The following LRRFIP2 variants were observed in gnomAD, a reference collection of about 807,000 sequenced individuals.
LRRFIP2 encodes leucine-rich repeat flightless-interacting protein 2.
Under a neutral mutation model 125.9 loss-of-function variants are expected in LRRFIP2, and 109 were observed. That is an observed-to-expected ratio of 0.87 (90% confidence interval 0.74 to 1.01). The LOEUF is 1.01. LRRFIP2 is among the 50% of genes least tolerant of loss of function. The pLI, the probability that LRRFIP2 is intolerant of heterozygous loss-of-function variation, is 0.00. For synonymous variants in LRRFIP2, 291 were observed against 293.1 expected (o/e 0.99, Z 0.07); for missense variants, 850 against 862.3 (o/e 0.99, Z 0.18).
intron 1 of LRRFIP2, among the ~76,000 whole-genome samples, chr3:37,162,913 G>T (rs917653256): frequency 3.9e-5 from 6 of 152,198 alleles, no homozygotes; most frequent in African/African-American, 1.4e-4. Flanking sequence ...ATGGGCTGAA[G>T]ACTTATTTCA....
At position 37,105,493 on chromosome 3, in the gene LRRFIP2, A is replaced by G; in HGVS notation, c.745T>C (p.Ser249Pro). 6.2e-7 allele frequency: 1 copy of G among 1,614,008 alleles called. No homozygotes were observed. The highest frequency in any genetic ancestry group is 8.5e-7 in the Non-Finnish European group (1 of 1,179,892). ...FTNDDTASIV[S>P]SDRASRGRRE... is the part of the protein sequence containing the mutation. Reference sequence around the variant, plus strand: ...CGTCCACGACTGGCACGATCAGAAGACACAATGCTTGCAGTGTCATCGTTG... The same window carrying G: ...CGTCCACGACTGGCACGATCAGAAGGCACAATGCTTGCAGTGTCATCGTTG... The change falls in exon 14 of 28, where the codon TCT (serine) becomes CCT (proline). Residue 249 changes from serine to proline, a missense_variant. Ser to Pro is a moderately conservative substitution (Grantham distance 74). Coordinates refer to ENST00000336686, the MANE Select transcript of LRRFIP2 (RefSeq NM_006309.4).
chr3:37,072,005 C>T (rs2091282413), intron 21 of LRRFIP2, among the ~76,000 whole-genome samples: 1 of 152,152 alleles, frequency 6.6e-6, no homozygotes. Flanking sequence ...TACAGACAGC[C>T]ACCCTAGAAA....
chr3:37,091,470 T>C lies in LRRFIP2; in HGVS notation c.1104A>G (p.Leu368=), dbSNP rs767554631. The change falls in exon 18 of 28, where the codon CTA becomes CTG. Residue 368 remains leucine (L), a synonymous_variant. Transcript: ENST00000336686. The part of the protein sequence containing the change: ...EGRYMQGLKE[L]KESLSEVEEK... ...GCTGCAGAATGGGCCCTGATACCTTTAGTTCTTTAAGCCCCTGCATGTATC... is the reference window on the plus strand; with the variant it reads ...GCTGCAGAATGGGCCCTGATACCTTCAGTTCTTTAAGCCCCTGCATGTATC... 6.8e-6 allele frequency: 11 copies of C among 1,610,008 alleles called. No individual in the cohort carries two copies. Among genetic ancestry groups the C allele is most frequent in the South Asian group, 5.5e-5 (5 of 90,440 alleles).
Position 37,091,483 on chromosome 3 carries a change from C to G in LRRFIP2, c.1091G>C (p.Gly364Ala). Residue 364 changes from glycine (G) to alanine (A), a missense_variant, in exon 18 of 28, where the codon GGG becomes GCG. Physicochemically the swap from Gly to Ala is moderately conservative, Grantham distance 60. Transcript: ENST00000336686. ...IQDVEGRYMQ[G>A]LKELKESLSE... is the part of the protein sequence containing the mutation. ...CCCTGATACCTTTAGTTCTTTAAGC[C>G]CCTGCATGTATCTCCCTTCTACATC... 2 of 1,611,854 alleles carry G rather than the reference C, an allele frequency of 1.2e-6. No homozygotes were observed. The highest frequency in any genetic ancestry group is 1.7e-6 in the Non-Finnish European group (2 of 1,178,964).
intron 1 of LRRFIP2, among the ~76,000 whole-genome samples, chr3:37,149,343 C>T (rs1379840567): frequency 6.6e-6 from 1 of 152,002 alleles, no homozygotes; most frequent in Non-Finnish European, 1.5e-5. Context: ...ATGGTGAAAC[C>T]CTGTCTCTAT....
intron 2 of LRRFIP2, among the ~76,000 whole-genome samples, chr3:37,131,003 A>G (rs1341392273): frequency 6.6e-6 from 1 of 152,246 alleles, no homozygotes; most frequent in Admixed American, 6.5e-5. Context: ...TTACAGCCAC[A>G]GTGCATGATA....
intron 2 of LRRFIP2, among the ~76,000 whole-genome samples, chr3:37,130,754 A>T (rs1378335335): frequency 6.6e-6 from 1 of 152,150 alleles, no homozygotes. Flanking sequence ...AGTAATCCTC[A>T]TTTTATTTAA....
chr3:37,098,376 T>C (rs1349050108), intron 15 of LRRFIP2, among the ~76,000 whole-genome samples: 2 of 151,788 alleles, frequency 1.3e-5, no homozygotes, highest in East Asian at 1.9e-4. Flanking sequence ...TTTTTTAACT[T>C]TAATTTTTTT....
rs897048252 is a variant in LRRFIP2 at position 37,108,654 on chromosome 3, G to C, written c.640C>G (p.Pro214Ala). 1.9e-6 allele frequency: 3 copies of C among 1,609,904 alleles called. No homozygotes were observed. In the African/African-American group the frequency reaches 4.0e-5, roughly 22 times the overall value. The change falls in exon 12 of 28, where the codon CCT becomes GCT. Residue 214 changes from proline to alanine, a missense_variant. By Grantham distance (27) the Pro-to-Ala change is conservative. Transcript: ENST00000336686. ...ASLYNGGLYN[P>A]YGPRTPSECS... ...AGACTTACAGTTCGAGGACCATAAG[G>C]GTTATATAATCCACCATTGTACAAT...
intron 1 of LRRFIP2, among the ~76,000 whole-genome samples, chr3:37,162,268 G>C (rs1394653534): frequency 6.6e-6 from 1 of 151,638 alleles, no homozygotes. Flanking sequence ...AAAGGGCCCA[G>C]AGTGTTCAAC....
chr3:37,073,327 T>C (rs951954855), intron 20 of LRRFIP2, among the ~76,000 whole-genome samples: 14 of 152,226 alleles, frequency 9.2e-5, no homozygotes, highest in African/African-American at 3.4e-4. Flanking sequence ...GAACTGATCA[T>C]TTTGAATTTC....
intron 23 of LRRFIP2, 153 bp from the exon 24 acceptor site, chr3:37,063,944 A>G: frequency 1.6e-6 from 1 of 610,572 alleles, no homozygotes; most frequent in East Asian, 2.8e-5. Context: ...TGTTAATAGC[A>G]TTACAGAAAA....
intron 1 of LRRFIP2, among the ~76,000 whole-genome samples, chr3:37,168,398 T>C (rs150190864): frequency 3.3e-5 from 5 of 152,304 alleles, no homozygotes; most frequent in African/African-American, 1.2e-4. Flanking sequence ...CTTGAAGACA[T>C]CATGCTAAGA....
At chr3:37,101,321 C>A (rs1323819259) in intron 15 of LRRFIP2, among the ~76,000 whole-genome samples, 1 of 148,920 alleles carries the variant, frequency 6.7e-6, no homozygotes, top group Non-Finnish European at 1.5e-5. Context: ...CGTGCCACTG[C>A]ATGCCAGCCT....
At chr3:37,121,008 A>G (rs2095011528) in intron 6 of LRRFIP2, among the ~76,000 whole-genome samples, 1 of 152,184 alleles carries the variant, frequency 6.6e-6, no homozygotes, top group Non-Finnish European at 1.5e-5. Context: ...TAAAATGTTA[A>G]TCAAAATGTC....
At chr3:37,056,666 G>A (rs1013510357) in intron 25 of LRRFIP2, among the ~76,000 whole-genome samples, 1 of 151,562 alleles carries the variant, frequency 6.6e-6, no homozygotes, top group African/African-American at 2.4e-5. Flanking sequence ...TGTTAGCCAG[G>A]ATGGTCTCGA....
At chr3:37,111,513 G>A (rs761543768) in intron 8 of LRRFIP2, among the ~76,000 whole-genome samples, 9 of 152,140 alleles carry the variant, frequency 5.9e-5, no homozygotes, top group Non-Finnish European at 1.0e-4. Flanking sequence ...GAGAGAGTAC[G>A]ATAAATATGG....
intron 2 of LRRFIP2, among the ~76,000 whole-genome samples, chr3:37,142,109 A>G (rs933018102): frequency 7.3e-6 from 1 of 136,666 alleles, no homozygotes; most frequent in Non-Finnish European, 1.6e-5. Context: ...GTTTCTTTGT[A>G]TTTCTCTTCA....
chr3:37,112,610 C>A (rs973753381), intron 8 of LRRFIP2, among the ~76,000 whole-genome samples: 12 of 152,120 alleles, frequency 7.9e-5, no homozygotes, highest in Admixed American at 4.6e-4. Context: ...AATTCAAATT[C>A]CTAAAATAAG....
Sources: allele counts gnomAD v4.1 joint callset (sites outside exome capture counted in the v4.1 genomes callset), GRCh38; gene constraint gnomAD v4.1.1; transcripts MANE v1.5; gene names NCBI Gene and HGNC (gene_info 2026-07-23, HGNC 2026-07-21).